The following PXDNL variants were observed in gnomAD, a reference collection of about 807,000 sequenced individuals.
PXDNL encodes peroxidasin like.
PXDNL carries 145 observed loss-of-function variants against 150.8 expected under a neutral mutation model. The observed-to-expected ratio is 0.96, with a 90% CI of 0.84 to 1.10. PXDNL has a LOEUF of 1.10. Among genes scored for constraint, PXDNL ranks in the 50% least tolerant of loss-of-function variants. The probability of loss-of-function intolerance (pLI) is 0.00; values close to 1 mark genes in which losing one functional copy is unlikely to be tolerated. For synonymous variants in PXDNL, 757 were observed against 725.7 expected (o/e 1.04, Z -0.69); for missense variants, 2,087 against 1,873.9 (o/e 1.11, Z -2.10).
intron 17 of PXDNL, among the ~76,000 whole-genome samples, chr8:51,400,229 T>C (rs1808206340): frequency 1.3e-5 from 2 of 152,172 alleles, no homozygotes; most frequent in African/African-American, 4.8e-5. Flanking sequence ...CACACACACC[T>C]TAAAAGATAT....
chr8:51,532,365 G>T (rs1563452720), intron 4 of PXDNL, among the ~76,000 whole-genome samples: 1 of 152,232 alleles, frequency 6.6e-6, no homozygotes, highest in Admixed American at 6.5e-5. Flanking sequence ...GTGCAACAAT[G>T]TGTGAGTGGG....
In PXDNL at chr8:51,426,704, T is replaced by G. The variant is rs777817408; in HGVS notation, c.1580A>C (p.Asn527Thr). The change falls in exon 13 of 23, where the codon AAT becomes ACT. Residue 527 changes from asparagine to threonine, a missense_variant. Coordinates refer to ENST00000356297, the MANE Select transcript of PXDNL (RefSeq NM_144651.5). Reference protein sequence around the residue: ...PQDTSVEVGKNINISCHAQGE... With the variant: ...PQDTSVEVGKTINISCHAQGE... The stretch of plus-strand genomic sequence containing the variant: ...TTGAGCATGACATGAAATGTTTATA[T>G]TCTTTCCAACCTCGACACTTGTATC... 12 of 1,608,962 alleles carry G rather than the reference T, an allele frequency of 7.5e-6. No homozygotes were observed. In the South Asian group the frequency reaches 1.3e-4, roughly 18 times the overall value.
Position 51,368,096 on chromosome 8 carries a change from T to C in PXDNL, c.3901+3777A>G, listed in dbSNP as rs146896339. On this transcript the variant is annotated intron_variant, in intron 19 of 22. Coordinates refer to ENST00000356297, the MANE Select transcript of PXDNL (RefSeq NM_144651.5). ...TGAGCCAAGATCCAAGATCACGCCA[T>C]TGCACTCCAGGCTGGGTAACGAGCA... Among the ~76,000 whole-genome samples the C allele has an allele frequency of 2.6e-3, 399 of 152,248 alleles. 4 individuals carry two copies. The highest frequency in any genetic ancestry group is 9.0e-3 in the African/African-American group (373 of 41,558).
chr8:51,424,023 T>C (rs1809025315), intron 13 of PXDNL, among the ~76,000 whole-genome samples: 1 of 152,226 alleles, frequency 6.6e-6, no homozygotes, highest in Admixed American at 6.5e-5. Context: ...AATGAATGGA[T>C]AGACACAATT....
chr8:51,478,543 C>T (rs1482410313), intron 6 of PXDNL, among the ~76,000 whole-genome samples: 1 of 152,170 alleles, frequency 6.6e-6, no homozygotes. Context: ...TTGATTTTTA[C>T]AGTCCACTTG....
intron 4 of PXDNL, among the ~76,000 whole-genome samples, chr8:51,545,478 A>T (rs59424596): frequency 0.021 from 2,826 of 132,204 alleles, 37 homozygotes; most frequent in African/African-American, 0.037. Flanking sequence ...TACTGCTCTT[A>T]AAAAAAATAT....
chr8:51,572,338 C>T lies in PXDNL; in HGVS notation c.309-15427G>A, dbSNP rs564704932. On this transcript the variant is annotated intron_variant, in intron 3 of 22. Transcript: ENST00000356297. ...AATAACATTGAACAGATATACCACA[C>T]TTAAGCAAAATATAGTATATCTGTA... 2.6e-5 allele frequency among the ~76,000 whole-genome samples: 4 copies of T among 151,924 alleles called. 1 individual carries two copies. Among genetic ancestry groups the T allele is most frequent in the African/African-American group, 9.6e-5 (4 of 41,496 alleles).
chr8:51,643,385 A>G (rs189020613), intron 2 of PXDNL, among the ~76,000 whole-genome samples: 2 of 152,252 alleles, frequency 1.3e-5, no homozygotes, highest in East Asian at 1.9e-4. Context: ...CAGAAATAAT[A>G]CCACACATCT....
At chr8:51,480,910 C>A (rs1810588831) in intron 6 of PXDNL, among the ~76,000 whole-genome samples, 1 of 152,146 alleles carries the variant, frequency 6.6e-6, no homozygotes. Context: ...ATAAATTACC[C>A]AGTCTCATGT....
chr8:51,404,401 G>A (rs535346874), intron 17 of PXDNL, among the ~76,000 whole-genome samples: 1 of 149,592 alleles, frequency 6.7e-6, no homozygotes, highest in South Asian at 2.1e-4. Flanking sequence ...ACAGAGTCCT[G>A]ATTGGTGCAT....
At chr8:51,556,505 T>A (rs1812602416) in intron 4 of PXDNL, among the ~76,000 whole-genome samples, 1 of 152,148 alleles carries the variant, frequency 6.6e-6, no homozygotes, top group Non-Finnish European at 1.5e-5. Flanking sequence ...TTAATAAACA[T>A]TATTGCTCTT....
intron 1 of PXDNL, among the ~76,000 whole-genome samples, chr8:51,778,909 T>C (rs2037383779): frequency 6.6e-6 from 1 of 152,218 alleles, no homozygotes; most frequent in Non-Finnish European, 1.5e-5. Flanking sequence ...CACTGAATTT[T>C]GCTATTTACA....
chr8:51,448,700 A>AAAACAAACAAACAAAC (rs55820855), intron 11 of PXDNL, among the ~76,000 whole-genome samples: 79 of 150,536 alleles, frequency 5.2e-4, no homozygotes, highest in African/African-American at 6.9e-4. Context: ...ACTCTGTCTC[A>AAAACAAACAAACAAAC]AAACAAACAA....
chr8:51,693,721 G>A lies in PXDNL; in HGVS notation c.165-38961C>T, dbSNP rs55730493. ...GGAGGCAGAAGTTGCAGTGAGCCAA[G>A]CTCACGCCACTGCACTCCGCCCTGG... On this transcript the variant is annotated intron_variant, in intron 1 of 22. Coordinates refer to ENST00000356297, the MANE Select transcript of PXDNL (RefSeq NM_144651.5). Among the ~76,000 whole-genome samples, 320 of 152,288 alleles carry A rather than the reference G, an allele frequency of 2.1e-3. 1 individual carries two copies. Among genetic ancestry groups the A allele is most frequent in the African/African-American group, 3.5e-3 (144 of 41,558 alleles).
chr8:51,595,465 C>T (rs1813544356), intron 2 of PXDNL, among the ~76,000 whole-genome samples: 1 of 152,140 alleles, frequency 6.6e-6, no homozygotes, highest in Admixed American at 6.6e-5. Flanking sequence ...AAGATTTACT[C>T]CACAAGTGAA....
chr8:51,373,801 T>C (rs1273445586), intron 18 of PXDNL, among the ~76,000 whole-genome samples: 1 of 152,174 alleles, frequency 6.6e-6, no homozygotes, highest in Non-Finnish European at 1.5e-5. Flanking sequence ...TACTCAACAC[T>C]AAGCTTCACT....
chr8:51,433,337 T>A (rs925708540), intron 12 of PXDNL, among the ~76,000 whole-genome samples: 14 of 151,848 alleles, frequency 9.2e-5, no homozygotes, highest in African/African-American at 3.4e-4. Context: ...AAATATTTTA[T>A]TTCTATGTTG....
intron 1 of PXDNL, among the ~76,000 whole-genome samples, chr8:51,663,090 G>A (rs148612867): frequency 5.8e-4 from 88 of 152,300 alleles, no homozygotes; most frequent in African/African-American, 2.0e-3. Flanking sequence ...TTCAAGGCAG[G>A]TGTTAACATG....
At chr8:51,444,880 T>C (rs2129911801) in intron 12 of PXDNL, among the ~76,000 whole-genome samples, 1 of 151,960 alleles carries the variant, frequency 6.6e-6, no homozygotes, top group East Asian at 1.9e-4. Context: ...CAACCTATCC[T>C]ATCCTCTTTA....
Sources: allele counts gnomAD v4.1 joint callset (sites outside exome capture counted in the v4.1 genomes callset), GRCh38; gene constraint gnomAD v4.1.1; transcripts MANE v1.5; gene names NCBI Gene and HGNC (gene_info 2026-07-23, HGNC 2026-07-21).